Variants in ATP11A observed in about 807,000 individuals in gnomAD.
The protein encoded by ATP11A is phospholipid-transporting ATPase IH.
ATP11A carries 81 observed loss-of-function variants against 154.4 expected under a neutral mutation model. The ratio of observed to expected loss-of-function variants is 0.52; its 90% CI spans 0.44 to 0.63. The LOEUF (loss-of-function observed/expected upper bound fraction) is 0.63. Ranked by LOEUF, ATP11A falls within the 30% of genes least tolerant of loss-of-function variation. The pLI is 0.00. For missense variants in ATP11A, 1,316 were observed against 1,474.3 expected (o/e 0.89, Z 1.76); for synonymous variants, 623 against 585.9 (o/e 1.06, Z -0.91).
intron 6 of ATP11A, among the ~76,000 whole-genome samples, chr13:112,817,141 T>G (rs1182435118): frequency 6.6e-6 from 1 of 152,254 alleles, no homozygotes; most frequent in Non-Finnish European, 1.5e-5. Flanking sequence ...TCTTCTTATT[T>G]AAAAAATCTT....
At chr13:112,811,879 T>A (rs1566517425) in intron 5 of ATP11A, 1 of 152,240 alleles carries the variant, frequency 6.6e-6, no homozygotes, top group African/African-American at 2.4e-5. Context: ...GTGCTGGAAT[T>A]ACAGGCATAA....
rs779258751 is a variant in ATP11A at position 112,819,376 on chromosome 13, G to C, written c.643G>C (p.Glu215Gln). 1 of 1,614,062 alleles carries C rather than the reference G, an allele frequency of 6.2e-7. No homozygotes were observed. The highest frequency in any genetic ancestry group is 1.3e-5 in the African/African-American group (1 of 74,924). ...EDIGGLHATI[E>Q]CEQPQPDLYK... The stretch of plus-strand genomic sequence containing the variant: ...TATCGGCGGACTTCACGCCACCATC[G>C]AGTGTGAGCAGCCCCAGCCCGACCT... Residue 215 changes from glutamate (E) to glutamine (Q), a missense_variant, in exon 7 of 30, where the codon GAG becomes CAG. By Grantham distance (29) the Glu-to-Gln change is conservative. Coordinates refer to ENST00000375645, the MANE Select transcript of ATP11A (RefSeq NM_015205.3).
At chr13:112,820,489 A>G (rs909211863) in intron 8 of ATP11A, among the ~76,000 whole-genome samples, 20 of 152,162 alleles carry the variant, frequency 1.3e-4, no homozygotes, top group African/African-American at 4.6e-4. Context: ...GTGCCTTCCC[A>G]TTCACCAGCA....
intron 25 of ATP11A, among the ~76,000 whole-genome samples, chr13:112,870,120 GA>G (rs2080467332): frequency 6.6e-6 from 1 of 152,298 alleles, no homozygotes; most frequent in African/African-American, 2.4e-5. Context: ...TTCCAAGCCA[GA>G]AGGAGGAGGC....
rs1270327037 is a variant in ATP11A at position 112,715,920 on chromosome 13, T to G, written c.39+25465T>G. Among the ~76,000 whole-genome samples, 2 of 152,026 alleles carry G rather than the reference T, an allele frequency of 1.3e-5. 1 individual carries two copies. The highest frequency in any genetic ancestry group is 4.8e-5 in the African/African-American group (2 of 41,404). ...TCCTTAGAAATCCGATCCCATTCCT[T>G]TCCCCTTCTCCCACTAAGGGCTCTC... On this transcript the variant is annotated intron_variant, in intron 1 of 29. Transcript: ENST00000375645.
rs184914191 is a variant in ATP11A at position 112,700,731 on chromosome 13, G to A, written c.39+10276G>A. Among the ~76,000 whole-genome samples, 61 of 152,282 alleles carry A rather than the reference G, an allele frequency of 4.0e-4. 1 individual carries two copies. Among genetic ancestry groups the A allele is most frequent in the African/African-American group, 1.3e-3 (55 of 41,564 alleles). On this transcript the variant is annotated intron_variant, in intron 1 of 29. Coordinates refer to ENST00000375645, the MANE Select transcript of ATP11A (RefSeq NM_015205.3). ...TCCGAGCTTAGACAGCAGGTTCCACGGCCACTCCAACATGCGGTCTCAAAC... is the reference window on the plus strand; with the variant it reads ...TCCGAGCTTAGACAGCAGGTTCCACAGCCACTCCAACATGCGGTCTCAAAC...
chr13:112,828,562 T>C (rs1014411459), intron 12 of ATP11A, among the ~76,000 whole-genome samples: 7 of 146,406 alleles, frequency 4.8e-5, no homozygotes, highest in African/African-American at 1.8e-4. Context: ...CGCCAAGAAG[T>C]GTTGAGTGCG....
intron 1 of ATP11A, among the ~76,000 whole-genome samples, chr13:112,741,110 A>G (rs1370304677): frequency 6.6e-6 from 1 of 152,250 alleles, no homozygotes; most frequent in Non-Finnish European, 1.5e-5. Context: ...AGAAAGCCAC[A>G]AAGAGATTTA....
rs550920652 is a variant in ATP11A at position 112,725,362 on chromosome 13, C to G, written c.39+34907C>G. On this transcript the variant is annotated intron_variant, in intron 1 of 29. Transcript: ENST00000375645. The stretch of plus-strand genomic sequence containing the variant: ...GGGCAGAGGCATCACCCCCTCCACT[C>G]TCTCTGCTCTCAGCCCTCACCAGCC... 7.4e-4 allele frequency among the ~76,000 whole-genome samples: 112 copies of G among 152,342 alleles called. 2 individuals carry two copies. Among genetic ancestry groups the G allele is most frequent in the African/African-American group, 2.4e-3 (100 of 41,582 alleles).
At chr13:112,740,563 C>T (rs1450618808) in intron 1 of ATP11A, among the ~76,000 whole-genome samples, 1 of 152,154 alleles carries the variant, frequency 6.6e-6, no homozygotes, top group Non-Finnish European at 1.5e-5. Context: ...TGATGGCATC[C>T]GATAACCTTT....
chr13:112,854,394 C>G lies in ATP11A; in HGVS notation c.2107C>G (p.Leu703Val). ...CGCGGCCACGTGCTACGCCTGCAAG[C>G]TCTTCCGCAGGAACACGCAGCTGCT... ...TAAATCYACK[L>V]FRRNTQLLEL... Residue 703 changes from leucine (L) to valine (V), a missense_variant, in exon 19 of 30, where the codon CTC (leucine) becomes GTC (valine). This residue lies in a region of ATP11A where 876 missense variants were observed against 1,006.8 expected (regional missense o/e 0.87). Coordinates refer to ENST00000375645, the MANE Select transcript of ATP11A (RefSeq NM_015205.3). The G allele has an allele frequency of 6.2e-7, 1 of 1,613,932 alleles. No individual in the cohort carries two copies.
At chr13:112,712,720 G>A (rs774112517) in intron 1 of ATP11A, among the ~76,000 whole-genome samples, 6 of 152,118 alleles carry the variant, frequency 3.9e-5, no homozygotes, top group Non-Finnish European at 7.4e-5. Context: ...GACCACAGTC[G>A]GTGAGGTGAG....
chr13:112,712,944 G>A (rs375098237), intron 1 of ATP11A, among the ~76,000 whole-genome samples: 1 of 152,284 alleles, frequency 6.6e-6, no homozygotes. Context: ...CTGGAACTCA[G>A]TGTCTGAGGA....
At chr13:112,774,960 C>T (rs1240455476) in intron 1 of ATP11A, among the ~76,000 whole-genome samples, 2 of 152,238 alleles carry the variant, frequency 1.3e-5, no homozygotes, top group African/African-American at 4.8e-5. Context: ...TTGCAAGACC[C>T]TGGGGAATGG....
Position 112,883,450 on chromosome 13 carries a change from C to T in ATP11A, c.*1584C>T. On this transcript the variant is annotated 3_prime_UTR_variant, in exon 30 of 30. Coordinates refer to ENST00000375645, the MANE Select transcript of ATP11A (RefSeq NM_015205.3). ...GCCCTCACGCCCGCCCCGCGCCACGCTGTGGAACGGGGCTCCGGCAAGTGA... is the reference window on the plus strand; with the variant it reads ...GCCCTCACGCCCGCCCCGCGCCACGTTGTGGAACGGGGCTCCGGCAAGTGA... The T allele has an allele frequency of 5.4e-6, 2 of 368,970 alleles. No homozygotes were observed. The highest frequency in any genetic ancestry group is 3.0e-4 in the South Asian group (2 of 6,758). 22.9% of individuals were successfully genotyped at this position (368,970 alleles called of 1,614,324 possible).
intron 2 of ATP11A, among the ~76,000 whole-genome samples, chr13:112,793,289 C>T (rs1457094503): frequency 6.6e-6 from 1 of 152,182 alleles, no homozygotes; most frequent in African/African-American, 2.4e-5. Context: ...GCAACCTCCA[C>T]CGCCCGGGTT....
At chr13:112,768,995 G>A (rs752845793) in intron 1 of ATP11A, among the ~76,000 whole-genome samples, 6 of 152,176 alleles carry the variant, frequency 3.9e-5, no homozygotes, top group Non-Finnish European at 7.3e-5. Context: ...AACTGTGAAG[G>A]TGTGACCCAT....
At chr13:112,808,768 G>A (rs995689175) in intron 4 of ATP11A, among the ~76,000 whole-genome samples, 1 of 152,112 alleles carries the variant, frequency 6.6e-6, no homozygotes, top group Non-Finnish European at 1.5e-5. Context: ...CTCTGCCGCC[G>A]CCATCGCCCA....
At chr13:112,848,635 C>T (rs1194800582) in intron 17 of ATP11A, among the ~76,000 whole-genome samples, 1 of 152,196 alleles carries the variant, frequency 6.6e-6, no homozygotes, top group Non-Finnish European at 1.5e-5. Flanking sequence ...GTTCCTGATC[C>T]TACGGAAAAG....
Sources: gnomAD v4.1 joint callset for allele counts (sites outside exome capture counted in the v4.1 genomes callset) on GRCh38, gnomAD v4.1.1 for gene constraint, gnomAD v4.1.1 regional missense constraint, MANE v1.5 for transcripts, NCBI Gene and HGNC (gene_info 2026-07-23, HGNC 2026-07-21) for gene names.